The following TENM2 variants were observed in gnomAD, a reference collection of about 807,000 sequenced individuals.
TENM2 encodes the protein teneurin transmembrane protein 2, also known as teneurin-2.
A neutral mutation model predicts 245.2 loss-of-function variants in TENM2; 52 were observed. That is an observed-to-expected ratio of 0.21 (90% confidence interval 0.17 to 0.27). TENM2 has a LOEUF of 0.27. Among genes scored for constraint, TENM2 ranks in the 10% least tolerant of loss-of-function variants. The pLI, the probability that TENM2 is intolerant of heterozygous loss-of-function variation, is 1.00. For synonymous variants in TENM2, 1,363 were observed against 1,438.9 expected, an observed-to-expected ratio of 0.95 and a Z score of 1.19; for missense variants, 3,046 against 3,666.8, an observed-to-expected ratio of 0.83 and a Z score of 4.37.
At chr5:167,885,721 T>C (rs569971308) in intron 3 of TENM2, among the ~76,000 whole-genome samples, 2 of 152,324 alleles carry the variant, frequency 1.3e-5, no homozygotes, top group African/African-American at 4.8e-5. Context: ...TCTCGCTCTG[T>C]TGGCCAGGCT....
rs562170066 is a variant in TENM2 at position 167,867,655 on chromosome 5, T to A, written c.503-8331T>A. On this transcript the variant is annotated intron_variant, in intron 2 of 28. Transcript: ENST00000518659. ...AAAATAAAAACTTAAAGCGAGATGATGTGGAATAGAACAAACCCAGTCAGG... is the reference window on the plus strand; with the variant it reads ...AAAATAAAAACTTAAAGCGAGATGAAGTGGAATAGAACAAACCCAGTCAGG... 2.0e-5 allele frequency among the ~76,000 whole-genome samples: 3 copies of A among 152,246 alleles called. No homozygotes were observed. The South Asian group carries it at 6.2e-4, about 32-fold the overall frequency.
chr5:168,249,784 A>G (rs967366675), intron 27 of TENM2, among the ~76,000 whole-genome samples: 11 of 152,054 alleles, frequency 7.2e-5, no homozygotes, highest in Non-Finnish European at 1.5e-4. Flanking sequence ...TCTTGAGCTC[A>G]GGAGTTGGAG....
At chr5:167,304,996 TC>T (rs139076946) in intron 1 of TENM2, among the ~76,000 whole-genome samples, 1,833 of 152,230 alleles carry the variant, frequency 0.012, 43 homozygotes, top group African/African-American at 0.042. Flanking sequence ...GAACAGGGGA[TC>T]CTATCATACA....
At chr5:167,593,508 ACCTTGGC>A (rs1776013192) in intron 2 of TENM2, among the ~76,000 whole-genome samples, 1 of 152,220 alleles carries the variant, frequency 6.6e-6, no homozygotes, top group African/African-American at 2.4e-5. Context: ...GGCCCTATAA[ACCTTGGC>A]CCTTTGCCAA....
intron 2 of TENM2, among the ~76,000 whole-genome samples, chr5:167,666,104 T>G (rs1755557765): frequency 6.6e-6 from 1 of 152,226 alleles, no homozygotes; most frequent in South Asian, 2.1e-4. Context: ...AATTTCCTTT[T>G]GCTGGGTACA....
intron 8 of TENM2, among the ~76,000 whole-genome samples, chr5:168,092,803 C>T (rs1303869747): frequency 6.6e-6 from 1 of 152,220 alleles, no homozygotes; most frequent in Non-Finnish European, 1.5e-5. Context: ...ACAGCACACA[C>T]CCTGCACAGC....
the TENM2 span, among the ~76,000 whole-genome samples, chr5:167,018,207 T>G: frequency 6.6e-6 from 1 of 152,268 alleles, no homozygotes. Flanking sequence ...CCTAAAATGA[T>G]ATATCACAAT....
intron 3 of TENM2, among the ~76,000 whole-genome samples, chr5:167,912,585 C>T (rs554671523): frequency 3.4e-4 from 51 of 152,200 alleles, no homozygotes; most frequent in Admixed American, 2.8e-3. Context: ...TCCTTTTGCA[C>T]GTTGCTTTTG....
chr5:167,140,396 A>AT, the TENM2 span, among the ~76,000 whole-genome samples: 1,559 of 152,082 alleles, frequency 0.01, 15 homozygotes, highest in Non-Finnish European at 0.015. Flanking sequence ...TCATTCACTC[A>AT]TTTTTTTGTA....
intron 2 of TENM2, among the ~76,000 whole-genome samples, chr5:167,676,628 C>T (rs998900387): frequency 6.6e-6 from 1 of 152,046 alleles, no homozygotes; most frequent in African/African-American, 2.4e-5. Context: ...AAGAAGACTT[C>T]CTGGAGAAAG....
chr5:167,085,599 C>T, the TENM2 span, among the ~76,000 whole-genome samples: 1 of 151,968 alleles, frequency 6.6e-6, no homozygotes, highest in Non-Finnish European at 1.5e-5. Context: ...GATGAAGAAA[C>T]TAAGGTTTAT....
At chr5:168,209,025 A>G (rs974122291) in intron 19 of TENM2, among the ~76,000 whole-genome samples, 32 of 152,208 alleles carry the variant, frequency 2.1e-4, no homozygotes, top group African/African-American at 7.5e-4. Flanking sequence ...TTGGCTGCAT[A>G]TCTTTGATCA....
chr5:168,172,271 A>G (rs1758909141), intron 13 of TENM2, among the ~76,000 whole-genome samples: 1 of 152,210 alleles, frequency 6.6e-6, no homozygotes, highest in African/African-American at 2.4e-5. Flanking sequence ...ATGTCCCAGG[A>G]ACACATCTGT....
At chr5:167,457,813 C>T (rs924998965) in intron 2 of TENM2, among the ~76,000 whole-genome samples, 1 of 152,148 alleles carries the variant, frequency 6.6e-6, no homozygotes, top group African/African-American at 2.4e-5. Flanking sequence ...AGTAAATAAA[C>T]ATTTGCCTCA....
chr5:167,710,766 T>C (rs2150481948), intron 2 of TENM2, among the ~76,000 whole-genome samples: 1 of 152,298 alleles, frequency 6.6e-6, no homozygotes, highest in African/African-American at 2.4e-5. Flanking sequence ...AGCAAAGGAA[T>C]GACACAGTCA....
chr5:167,961,762 A>G (rs1293167524), intron 4 of TENM2, among the ~76,000 whole-genome samples: 2 of 152,356 alleles, frequency 1.3e-5, no homozygotes, highest in East Asian at 3.9e-4. Flanking sequence ...CAGGAAGTCT[A>G]AAGCTTCAGA....
chr5:168,132,054 C>T (rs969331746), intron 12 of TENM2, among the ~76,000 whole-genome samples: 1 of 137,880 alleles, frequency 7.3e-6, no homozygotes, highest in Non-Finnish European at 1.5e-5. Context: ...TTGGCCAAAA[C>T]ATGAGCTTCC....
At chr5:168,033,694 T>A (rs7707237) in intron 5 of TENM2, among the ~76,000 whole-genome samples, 2,196 of 152,190 alleles carry the variant, frequency 0.014, 58 homozygotes, top group African/African-American at 0.05. Flanking sequence ...AAGGAAGACC[T>A]ACTCTCACCT....
intron 2 of TENM2, among the ~76,000 whole-genome samples, chr5:167,773,772 A>G (rs561488620): frequency 1.1e-4 from 16 of 152,144 alleles, no homozygotes; most frequent in Non-Finnish European, 2.2e-4. Context: ...GATCTGCTTG[A>G]TAATAAAGCT....
Sources: gnomAD v4.1 joint callset for allele counts (sites outside exome capture counted in the v4.1 genomes callset) on GRCh38, gnomAD v4.1.1 for gene constraint, MANE v1.5 for transcripts, NCBI Gene and HGNC (gene_info 2026-07-23, HGNC 2026-07-21) for gene names.